SERPINB11: variants seen among roughly 807,000 people sequenced by gnomAD.
The protein encoded by SERPINB11 is serpin B11.
Under a neutral mutation model 36.7 loss-of-function variants are expected in SERPINB11, and 32 were observed. That is an observed-to-expected ratio of 0.87 (90% confidence interval 0.66 to 1.17). The LOEUF (loss-of-function observed/expected upper bound fraction) is 1.17, where lower values mean the gene tolerates loss of function less well. Ranked by LOEUF, SERPINB11 falls within the 50% of genes most tolerant of loss-of-function variation. The pLI is 0.00. For synonymous variants in SERPINB11, 174 were observed against 168.1 expected (o/e 1.04, Z -0.27); for missense variants, 528 against 458.4 (o/e 1.15, Z -1.39).
intron 4 of SERPINB11, among the ~76,000 whole-genome samples, chr18:63,715,017 T>G (rs1294468725): frequency 6.6e-6 from 1 of 152,212 alleles, no homozygotes; most frequent in African/African-American, 2.4e-5. Flanking sequence ...TAAATGCCCA[T>G]GAATTCTTCA....
intron 2 of SERPINB11, 41 bp from the exon 3 acceptor site, chr18:63,711,294 T>C: frequency 7.3e-7 from 1 of 1,378,780 alleles, no homozygotes; most frequent in Non-Finnish European, 1.0e-6. Context: ...AGACTGTACA[T>C]TGCTTCTGAT....
At position 63,720,920 on chromosome 18, in the gene SERPINB11, G is replaced by C. The variant is rs375879648; in HGVS notation, c.708G>C (p.Leu236=). Reference sequence around the variant, plus strand: ...AGCCGCAGATGCAAGTTCTTGAGCTGCCCTACGTTAACAACAAATTAAGCA... The same window carrying C: ...AGCCGCAGATGCAAGTTCTTGAGCTCCCCTACGTTAACAACAAATTAAGCA... ...VKEPQMQVLE[L]PYVNNKLSMI... is the part of the protein sequence containing the mutation. Residue 236 remains leucine (L), a synonymous_variant, in exon 7 of 8, where the codon CTG becomes CTC. Coordinates refer to ENST00000544088, the MANE Select transcript of SERPINB11 (RefSeq NM_001370475.1). The C allele has an allele frequency of 6.2e-7, 1 of 1,606,686 alleles. No homozygotes were observed. Among genetic ancestry groups the C allele is most frequent in the African/African-American group, 1.3e-5 (1 of 74,838 alleles).
intron 2 of SERPINB11, 23 bp from the exon 3 acceptor site, chr18:63,711,312 G>A (rs1375874266): frequency 6.4e-7 from 1 of 1,573,782 alleles, no homozygotes; most frequent in African/African-American, 1.4e-5. Context: ...GATGCCAAAA[G>A]ATCCCTTTTT....
intron 4 of SERPINB11, among the ~76,000 whole-genome samples, chr18:63,713,822 T>G (rs945512489): frequency 2.0e-5 from 3 of 152,156 alleles, no homozygotes; most frequent in Non-Finnish European, 4.4e-5. Context: ...GGGATGATCA[T>G]GATGACATCT....
intron 3 of SERPINB11, 120 bp downstream of exon 3, chr18:63,711,514 C>A: frequency 1.4e-6 from 1 of 693,010 alleles, no homozygotes; most frequent in Admixed American, 2.4e-5. Context: ...GCTATGTGTC[C>A]CCCTTTAACC....
intron 3 of SERPINB11, among the ~76,000 whole-genome samples, chr18:63,712,124 G>A (rs1380050477): frequency 6.6e-6 from 1 of 152,126 alleles, no homozygotes; most frequent in Non-Finnish European, 1.5e-5. Flanking sequence ...AAATTAGTGT[G>A]TGAAGTCAGT....
chr18:63,709,687 G>A (rs984191206), intron 1 of SERPINB11, among the ~76,000 whole-genome samples: 9 of 144,722 alleles, frequency 6.2e-5, no homozygotes, highest in Admixed American at 1.4e-4. Flanking sequence ...GAAATTTTGC[G>A]AGTGCTGTCA....
rs1296669333 is a variant in SERPINB11, at chr18:63,712,693, G to A, written c.357G>A (p.Gln119=). 1.9e-6 allele frequency: 3 copies of A among 1,612,362 alleles called. No homozygotes were observed. In the South Asian group the frequency reaches 3.3e-5, roughly 18 times the overall value. Residue 119 remains glutamine (Q), a splice_region_variant and synonymous_variant, in exon 4 of 8, where the codon CAG becomes CAA. Transcript: ENST00000544088. ...GGACAAAGACGATGGCATTTCATCA[G>A]GTAAGTCCATTTGGAAGAGTGATCA... is the stretch of plus-strand genomic sequence containing the variant. ...LYGTKTMAFH[Q]QYLSCSEKWY...
intron 7 of SERPINB11, among the ~76,000 whole-genome samples, chr18:63,721,619 A>G (rs983215018): frequency 6.6e-6 from 1 of 152,256 alleles, no homozygotes; most frequent in East Asian, 1.9e-4. Context: ...TAAGCCAGGG[A>G]GTGCTGGCTT....
At chr18:63,704,091 TG>T (rs1480184433) in intron 1 of SERPINB11, among the ~76,000 whole-genome samples, 1 of 152,224 alleles carries the variant, frequency 6.6e-6, no homozygotes, top group African/African-American at 2.4e-5. Flanking sequence ...CCATAAGTTC[TG>T]CTTCCCTGAA....
intron 4 of SERPINB11, 95 bp downstream of exon 4, chr18:63,712,788 T>G: frequency 6.8e-6 from 9 of 1,324,722 alleles, no homozygotes; most frequent in African/African-American, 1.5e-5. Context: ...TCACATGACA[T>G]TTATCATTAA....
chr18:63,722,881 T>C (rs1914850180), intron 7 of SERPINB11, 114 bp from the exon 8 acceptor site: 1 of 1,068,384 alleles, frequency 9.4e-7, no homozygotes, highest in African/African-American at 1.6e-5. Context: ...GTATTAAAGG[T>C]AGAAAAAGTG....
chr18:63,723,632 G>A lies in SERPINB11; in HGVS notation c.*233G>A, dbSNP rs1442037474. 6.8e-6 allele frequency: 3 copies of A among 442,696 alleles called. No homozygotes were observed. Among genetic ancestry groups the A allele is most frequent in the Admixed American group, 3.9e-5 (1 of 25,802 alleles). 27.4% of individuals were successfully genotyped at this position (442,696 alleles called of 1,614,324 possible). A position where few individuals can be genotyped will look rare whatever the true frequency, so the allele number is the denominator to read the frequency against. ...GAAAGCCTTTCTGGCTTTCTTATCTGTGGTGTCTCATTTGAGTGCTGTCCA... is the reference window on the plus strand; with the variant it reads ...GAAAGCCTTTCTGGCTTTCTTATCTATGGTGTCTCATTTGAGTGCTGTCCA... On this transcript the variant is annotated 3_prime_UTR_variant, in exon 8 of 8. Coordinates refer to ENST00000544088, the MANE Select transcript of SERPINB11 (RefSeq NM_001370475.1).
chr18:63,716,478 G>A (rs1271964533), intron 5 of SERPINB11, among the ~76,000 whole-genome samples: 2 of 151,978 alleles, frequency 1.3e-5, no homozygotes, highest in African/African-American at 2.4e-5. Context: ...GAAACATTTG[G>A]TTAAGGAAAA....
At chr18:63,720,475 G>A in intron 6 of SERPINB11, 2 of 328,848 alleles carry the variant, frequency 6.1e-6, no homozygotes, top group African/African-American at 2.2e-5. Context: ...GGCTATCTGT[G>A]TTATTTTTTT....
intron 1 of SERPINB11, among the ~76,000 whole-genome samples, chr18:63,708,677 C>T (rs1231361355): frequency 6.6e-6 from 1 of 152,034 alleles, no homozygotes; most frequent in Non-Finnish European, 1.5e-5. Context: ...ATTAGACATC[C>T]AAGTGGGGAT....
chr18:63,706,646 T>C (rs1266719343), intron 1 of SERPINB11, among the ~76,000 whole-genome samples: 1 of 152,186 alleles, frequency 6.6e-6, no homozygotes, highest in East Asian at 1.9e-4. Context: ...CTGGCCCTAG[T>C]GAACAAGGGT....
At chr18:63,716,011 G>T (rs375969570) in intron 4 of SERPINB11, 24 bp from the exon 5 acceptor site, 4 of 1,466,722 alleles carry the variant, frequency 2.7e-6, no homozygotes, top group South Asian at 1.2e-5. Flanking sequence ...TTGAATTGTT[G>T]TTCAATTATC....
At chr18:63,721,051 GACACA>G in intron 7 of SERPINB11, 65 bp downstream of exon 7, 10 of 1,239,088 alleles carry the variant, frequency 8.1e-6, no homozygotes, top group Non-Finnish European at 1.1e-5. Flanking sequence ...CACACACACA[GACACA>G]CTGTGTATCT....
Sources: gnomAD v4.1 joint callset for allele counts (sites outside exome capture counted in the v4.1 genomes callset) on GRCh38, gnomAD v4.1.1 for gene constraint, MANE v1.5 for transcripts, NCBI Gene and HGNC (gene_info 2026-07-23, HGNC 2026-07-21) for gene names.